The following SOX6 variants were observed in gnomAD, a reference collection of about 807,000 sequenced individuals.
SOX6 encodes the protein transcription factor SOX-6.
SOX6 carries 11 observed loss-of-function variants against 97.8 expected under a neutral mutation model. The ratio of observed to expected loss-of-function variants is 0.11; its 90% CI spans 0.07 to 0.19. SOX6 has a LOEUF of 0.19. Ranked by LOEUF, SOX6 falls within the 10% of genes least tolerant of loss-of-function variation. The probability of loss-of-function intolerance (pLI) is 1.00; values close to 1 mark genes in which losing one functional copy is unlikely to be tolerated. For missense variants in SOX6, 810 were observed against 1,039.5 expected, an observed-to-expected ratio of 0.78 and a Z score of 3.04; for synonymous variants, 360 against 371.4, an observed-to-expected ratio of 0.97 and a Z score of 0.35.
intron 3 of SOX6, among the ~76,000 whole-genome samples, chr11:16,708,841 C>T (rs1227577130): frequency 6.6e-6 from 1 of 152,098 alleles, no homozygotes; most frequent in Non-Finnish European, 1.5e-5. Context: ...AGAATAATAA[C>T]TTTTTCACAC....
intron 1 of SOX6, among the ~76,000 whole-genome samples, chr11:16,378,228 C>G (rs1264393187): frequency 6.6e-6 from 1 of 152,044 alleles, no homozygotes; most frequent in Non-Finnish European, 1.5e-5. Context: ...AAAAATGTGT[C>G]CTTAAAGTAA....
At chr11:16,239,577 T>C (rs894398935) in intron 3 of SOX6, among the ~76,000 whole-genome samples, 6 of 152,122 alleles carry the variant, frequency 3.9e-5, no homozygotes, top group African/African-American at 1.4e-4. Flanking sequence ...AGTCAAACCT[T>C]TAACCTCTTA....
At chr11:16,430,068 C>T (rs1212640027) in intron 1 of SOX6, among the ~76,000 whole-genome samples, 2 of 152,210 alleles carry the variant, frequency 1.3e-5, no homozygotes, top group Non-Finnish European at 2.9e-5. Context: ...TAAATGTTGG[C>T]TCTCTGAGCT....
intron 12 of SOX6, among the ~76,000 whole-genome samples, chr11:16,015,499 C>T (rs1008535890): frequency 2.6e-5 from 4 of 151,898 alleles, no homozygotes; most frequent in Non-Finnish European, 4.4e-5. Context: ...ATTTTATGCA[C>T]GAGGATTTCA....
intron 3 of SOX6, among the ~76,000 whole-genome samples, chr11:16,280,179 T>A (rs1854513833): frequency 6.6e-6 from 1 of 152,114 alleles, no homozygotes; most frequent in Non-Finnish European, 1.5e-5. Context: ...TCCTTGGAGA[T>A]GTCAGTTTTG....
Position 16,569,868 on chromosome 11 carries a change from C to CAAA in SOX6, n.609+42210_609+42212dup, listed in dbSNP as rs34604334. Among the ~76,000 whole-genome samples, 66 of 84,802 alleles carry CAAA rather than the reference C, an allele frequency of 7.8e-4. 3 individuals carry two copies. The highest frequency in any genetic ancestry group is 4.6e-4 in the Non-Finnish European group (22 of 48,128). The allele number at this position is 84,802 out of a possible 152,430, so 55.6% of individuals were successfully genotyped here. The stretch of plus-strand genomic sequence containing the variant: ...TGGGTGACTGATCAAGACTCCGTCT[C>CAAA]AAAAAAAAAAAAAAAAAGATATACT... On this transcript the variant is annotated intron_variant and non_coding_transcript_variant, in intron 4 of 5. Transcript: ENST00000524520.
chr11:16,028,309 C>T (rs2133881232), intron 12 of SOX6, among the ~76,000 whole-genome samples: 1 of 152,238 alleles, frequency 6.6e-6, no homozygotes, highest in Admixed American at 6.5e-5. Flanking sequence ...TTGTAAAAGG[C>T]TGCACAACTT....
At position 16,061,303 on chromosome 11, in the gene SOX6, CA is replaced by C. The variant is rs67980023; in HGVS notation, c.1102-5403del. On this transcript the variant is annotated intron_variant, in intron 9 of 15. Transcript: ENST00000683767. ...AAGGCAATCCCAGTTACAATAGCTA[CA>C]AAAAAAAAAAAACAGGAATATATTT... Among the ~76,000 whole-genome samples, 325 of 121,300 alleles carry C rather than the reference CA, an allele frequency of 2.7e-3. 2 individuals are homozygous for C. The highest frequency in any genetic ancestry group is 0.013 in the South Asian group (50 of 3,748). 79.6% of individuals were successfully genotyped at this position (121,300 alleles called of 152,430 possible).
At chr11:16,151,085 TC>T (rs1850446243) in intron 6 of SOX6, among the ~76,000 whole-genome samples, 1 of 152,210 alleles carries the variant, frequency 6.6e-6, no homozygotes, top group Non-Finnish European at 1.5e-5. Context: ...AAATAATACC[TC>T]TTTTATAACA....
intron 3 of SOX6, among the ~76,000 whole-genome samples, chr11:16,703,132 T>G (rs1848107111): frequency 6.6e-6 from 1 of 151,872 alleles, no homozygotes; most frequent in African/African-American, 2.4e-5. Context: ...AGTATATGCA[T>G]AGCATGGTTT....
At chr11:16,403,369 G>T (rs927886757) in intron 1 of SOX6, among the ~76,000 whole-genome samples, 3 of 151,710 alleles carry the variant, frequency 2.0e-5, no homozygotes, top group Non-Finnish European at 4.4e-5. Flanking sequence ...GAGAATGGGT[G>T]CCATGATGAT....
chr11:15,996,246 C>G (rs960733503), intron 13 of SOX6, among the ~76,000 whole-genome samples: 2 of 152,060 alleles, frequency 1.3e-5, no homozygotes, highest in Non-Finnish European at 2.9e-5. Context: ...TGTTAAAGGT[C>G]GTAATATTTT....
intron 1 of SOX6, among the ~76,000 whole-genome samples, chr11:16,368,101 T>C (rs537958560): frequency 6.6e-6 from 1 of 152,292 alleles, no homozygotes; most frequent in Non-Finnish European, 1.5e-5. Flanking sequence ...TACTTGTCTA[T>C]TGGCCACGAA....
At chr11:16,434,724 G>C (rs1445088191) in intron 1 of SOX6, among the ~76,000 whole-genome samples, 1 of 152,044 alleles carries the variant, frequency 6.6e-6, no homozygotes, top group African/African-American at 2.4e-5. Flanking sequence ...CTCAATAAAA[G>C]TTTTGAAAGT....
chr11:16,428,369 G>T lies in SOX6; in HGVS notation c.-5+47946C>A, dbSNP rs530974658. Among the ~76,000 whole-genome samples, 3 of 152,274 alleles carry T rather than the reference G, an allele frequency of 2.0e-5. No individual in the cohort carries two copies. In the East Asian group the frequency reaches 5.8e-4, roughly 29 times the overall value. On this transcript the variant is annotated intron_variant, in intron 1 of 15. Coordinates refer to the SOX6 transcript ENST00000396356. The stretch of plus-strand genomic sequence containing the variant: ...GTCAATTTTGGCTTTTGTTGCCATT[G>T]CTTTTGGTGTTTTAGACACGAAGTT...
intron 3 of SOX6, among the ~76,000 whole-genome samples, chr11:16,636,779 C>T (rs1466730537): frequency 6.6e-6 from 1 of 152,114 alleles, no homozygotes; most frequent in Non-Finnish European, 1.5e-5. Flanking sequence ...CTCACATGAT[C>T]TGATGGTTTT....
chr11:16,163,570 GA>G (rs942614114), intron 6 of SOX6, among the ~76,000 whole-genome samples: 4 of 152,150 alleles, frequency 2.6e-5, no homozygotes, highest in Non-Finnish European at 5.9e-5. Context: ...TGGAGGGGAA[GA>G]AAACAAACTC....
rs117603705 is a variant in SOX6, at chr11:16,654,525, A to G, written n.430-42265T>C. Among the ~76,000 whole-genome samples, 136 of 152,284 alleles carry G rather than the reference A, an allele frequency of 8.9e-4. 1 individual carries two copies. The East Asian group carries it at 0.022, about 25-fold the overall frequency. On this transcript the variant is annotated intron_variant and non_coding_transcript_variant, in intron 3 of 5. Transcript: ENST00000524520. The stretch of plus-strand genomic sequence containing the variant: ...GGCTGGGTTCAAACTCCTGGCCTCA[A>G]GCACTCTTCCCATCTCAACCTCCCA...
chr11:16,406,734 AAAG>A (rs1032805489), intron 1 of SOX6, among the ~76,000 whole-genome samples: 1 of 152,128 alleles, frequency 6.6e-6, no homozygotes, highest in Non-Finnish European at 1.5e-5. Context: ...AAGGAAGGAT[AAAG>A]AAGAACTGGG....
Sources: allele counts gnomAD v4.1 joint callset (sites outside exome capture counted in the v4.1 genomes callset), GRCh38; gene constraint gnomAD v4.1.1; transcripts MANE v1.5; gene names NCBI Gene and HGNC (gene_info 2026-07-23, HGNC 2026-07-21).